Variants in ZNF554 observed in about 807,000 individuals in gnomAD.
The protein encoded by ZNF554 is zinc finger protein 554.
Under a neutral mutation model 21.2 loss-of-function variants are expected in ZNF554, and 15 were observed. The ratio of observed to expected loss-of-function variants is 0.71; its 90% CI spans 0.47 to 1.09. The LOEUF is 1.09. ZNF554 is among the 50% of genes least tolerant of loss of function. ZNF554 has a pLI of 0.00. For synonymous variants in ZNF554, 258 were observed against 251.4 expected (o/e 1.03, Z -0.25); for missense variants, 691 against 662.7 (o/e 1.04, Z -0.47).
At position 2,819,999 on chromosome 19, in the gene ZNF554, A is replaced by C; in HGVS notation, c.-73A>C. Reference sequence around the variant, plus strand: ...CGGAGGAGGCGTCCCAGGGACACGCAGGGGAGGCCGGCCGGCCTGCACGGG... The same window carrying C: ...CGGAGGAGGCGTCCCAGGGACACGCCGGGGAGGCCGGCCGGCCTGCACGGG... On this transcript the variant is annotated 5_prime_UTR_variant, in exon 1 of 5. Coordinates refer to ENST00000317243, the MANE Select transcript of ZNF554 (RefSeq NM_001102651.2). The C allele has an allele frequency of 2.7e-6, 3 of 1,116,884 alleles. No individual in the cohort carries two copies. Among genetic ancestry groups the C allele is most frequent in the Non-Finnish European group, 2.2e-6 (2 of 894,910 alleles). The allele number at this position is 1,116,884 out of a possible 1,614,324, so 69.2% of individuals were successfully genotyped here. A position where few individuals can be genotyped will look rare whatever the true frequency, so the allele number is the denominator to read the frequency against.
rs367842295 is a variant in ZNF554, at chr19:2,834,624, C to T, written c.1389C>T (p.Pro463=). 6.2e-7 allele frequency: 1 copy of T among 1,614,108 alleles called. No individual in the cohort carries two copies. Among genetic ancestry groups the T allele is most frequent in the South Asian group, 1.1e-5 (1 of 91,062 alleles). The change falls in exon 5 of 5, where the codon CCC becomes CCT. Residue 463 remains proline, a synonymous_variant. Transcript: ENST00000317243. The part of the protein sequence containing the change: ...QHERTHTGEN[P]YECKQCGRAF... ...AGCGAACTCACACGGGCGAGAACCCCTATGAATGTAAGCAGTGTGGGAGAG... is the reference window on the plus strand; with the variant it reads ...AGCGAACTCACACGGGCGAGAACCCTTATGAATGTAAGCAGTGTGGGAGAG...
intron 1 of ZNF554, 134 bp from the exon 2 acceptor site, chr19:2,822,906 G>A: frequency 1.3e-6 from 1 of 793,118 alleles, no homozygotes; most frequent in South Asian, 1.8e-5. Context: ...TCAGTCCTGG[G>A]TTCTGGCTTC....
chr19:2,834,581 CCT>C lies in ZNF554; in HGVS notation c.1352_1353del (p.Leu451GlnfsTer14), dbSNP rs1273572909. 1 of 1,613,918 alleles carries C rather than the reference CCT, an allele frequency of 6.2e-7. No individual in the cohort carries two copies. The highest frequency in any genetic ancestry group is 1.3e-5 in the African/African-American group (1 of 74,890). On this transcript the variant is annotated frameshift_variant, in exon 5 of 5. Transcript: ENST00000317243. LOFTEE classifies it low-confidence loss of function (END_TRUNC). ...TGTGGAAAGGCCTTCAGTGACCGTTCCTCTCTCAACCAGCACGAGCGAACTCA... is the reference window on the plus strand; with the variant it reads ...TGTGGAAAGGCCTTCAGTGACCGTTCCTCTCAACCAGCACGAGCGAACTCA...
Position 2,834,877 on chromosome 19 carries a change from A to G in ZNF554, c.*25A>G, listed in dbSNP as rs1208104439. On this transcript the variant is annotated 3_prime_UTR_variant, in exon 5 of 5. Coordinates refer to ENST00000317243, the MANE Select transcript of ZNF554 (RefSeq NM_001102651.2). ...GCAATTGCACGCTGCTTTGTAAGCCACTTTTTAGTACTCTGACACATACAT... is the reference window on the plus strand; with the variant it reads ...GCAATTGCACGCTGCTTTGTAAGCCGCTTTTTAGTACTCTGACACATACAT... 7.8e-6 allele frequency: 12 copies of G among 1,535,890 alleles called. No homozygotes were observed. Among genetic ancestry groups the G allele is most frequent in the African/African-American group, 2.8e-5 (2 of 72,622 alleles).
In ZNF554 at chr19:2,834,894, C is replaced by A; in HGVS notation, c.*42C>A. 6.7e-7 allele frequency: 1 copy of A among 1,502,936 alleles called. No individual in the cohort carries two copies. The highest frequency in any genetic ancestry group is 9.0e-7 in the Non-Finnish European group (1 of 1,113,132). 93.1% of individuals were successfully genotyped at this position (1,502,936 alleles called of 1,614,324 possible). ...TGTAAGCCACTTTTTAGTACTCTGA[C>A]ACATACATGTGGTTATCTTTTGCCC... is the stretch of plus-strand genomic sequence containing the variant. On this transcript the variant is annotated 3_prime_UTR_variant, in exon 5 of 5. Transcript: ENST00000317243.
At chr19:2,827,237 C>G (rs924416531) in intron 2 of ZNF554, among the ~76,000 whole-genome samples, 2 of 152,190 alleles carry the variant, frequency 1.3e-5, no homozygotes, top group Admixed American at 1.3e-4. Context: ...CAGCAATATA[C>G]CTGCAGTCCC....
intron 2 of ZNF554, among the ~76,000 whole-genome samples, chr19:2,827,137 G>GCAGT (rs1471037543): frequency 1.3e-5 from 2 of 152,210 alleles, no homozygotes; most frequent in East Asian, 3.8e-4. Flanking sequence ...TGCTGTGACT[G>GCAGT]ATATTAACTA....
rs1425031243 is a variant in ZNF554 at position 2,835,079 on chromosome 19, G to T, written c.*227G>T. 2.1e-6 allele frequency: 1 copy of T among 469,884 alleles called. No individual in the cohort carries two copies. The highest frequency in any genetic ancestry group is 5.8e-4 in the Middle Eastern group (1 of 1,738). The allele number at this position is 469,884 out of a possible 1,614,324, so 29.1% of individuals were successfully genotyped here. A position where few individuals can be genotyped will look rare whatever the true frequency, so the allele number is the denominator to read the frequency against. ...AGTGGCGTGATCATACCTCACTGCA[G>T]CTTCAACTTCCTGGGCTCAAGTAAT... On this transcript the variant is annotated 3_prime_UTR_variant, in exon 5 of 5. Coordinates refer to ENST00000317243, the MANE Select transcript of ZNF554 (RefSeq NM_001102651.2).
intron 2 of ZNF554, among the ~76,000 whole-genome samples, chr19:2,826,053 A>G (rs2087327553): frequency 6.6e-6 from 1 of 151,550 alleles, no homozygotes; most frequent in Non-Finnish European, 1.5e-5. Context: ...GGCACCCGTC[A>G]CCACGCTTGA....
Position 2,833,928 on chromosome 19 carries a change from C to T in ZNF554, c.693C>T (p.Ala231=), listed in dbSNP as rs1265558304. ...GGGAAAATGGTAATCTGAGCCCAGC[C>T]CTTGTTTTATCACAGGGAAGCTCTA... ...GFGENGNLSP[A]LVLSQGSSKG... Residue 231 remains alanine (A), a synonymous_variant, in exon 5 of 5, where the codon GCC becomes GCT. Coordinates refer to ENST00000317243, the MANE Select transcript of ZNF554 (RefSeq NM_001102651.2). 1 of 1,613,936 alleles carries T rather than the reference C, an allele frequency of 6.2e-7. No homozygotes were observed. Among genetic ancestry groups the T allele is most frequent in the Non-Finnish European group, 8.5e-7 (1 of 1,180,034 alleles).
intron 1 of ZNF554, among the ~76,000 whole-genome samples, chr19:2,820,666 G>A (rs1175708020): frequency 8.9e-6 from 1 of 111,742 alleles, no homozygotes; most frequent in Non-Finnish European, 2.0e-5. Context: ...CTGTCCTGGT[G>A]ATAAGACAGC....
chr19:2,825,018 T>TG (rs945122382), intron 2 of ZNF554, among the ~76,000 whole-genome samples: 4 of 134,298 alleles, frequency 3.0e-5, no homozygotes, highest in East Asian at 2.1e-4. Flanking sequence ...TTTTTTTTTT[T>TG]TTTTTTTTTT....
intron 2 of ZNF554, among the ~76,000 whole-genome samples, chr19:2,824,280 C>T (rs79066194): frequency 0.043 from 6,479 of 152,280 alleles, 486 homozygotes; most frequent in African/African-American, 0.15. Context: ...TCTGCAGCTG[C>T]GGGTCTGGCA....
At chr19:2,831,522 C>T (rs2087418575) in intron 3 of ZNF554, 2 of 151,642 alleles carry the variant, frequency 1.3e-5, no homozygotes, top group Non-Finnish European at 2.9e-5. Context: ...TCTTGATCTC[C>T]TGACCTCATG....
Position 2,827,669 on chromosome 19 carries a change from A to T in ZNF554, c.179A>T (p.Glu60Val), listed in dbSNP as rs1048545804. 1 of 1,614,054 alleles carries T rather than the reference A, an allele frequency of 6.2e-7. No homozygotes were observed. The change falls in exon 3 of 5, where the codon GAG becomes GTG. Residue 60 changes from glutamate (E) to valine (V), a missense_variant. Transcript: ENST00000317243. ...VSMDFSQEEW[E>V]LLEPAQKNLY... ...ATGGACTTCTCCCAGGAGGAGTGGG[A>T]GTTGCTGGAGCCTGCTCAGAAGAAC...
At position 2,834,554 on chromosome 19, in the gene ZNF554, A is replaced by C; in HGVS notation, c.1319A>C (p.Glu440Ala). 1 of 1,614,110 alleles carries C rather than the reference A, an allele frequency of 6.2e-7. No individual in the cohort carries two copies. ...GGAGAGAAGCCCTACGAATGCAGTG[A>C]ATGTGGAAAGGCCTTCAGTGACCGT... Reference protein sequence around the residue: ...HTGEKPYECSECGKAFSDRSS... With the variant: ...HTGEKPYECSACGKAFSDRSS... The change falls in exon 5 of 5, where the codon GAA becomes GCA. Residue 440 changes from glutamate (E) to alanine (A), a missense_variant. Glu to Ala is a moderately radical substitution (Grantham distance 107, BLOSUM62 -1). Transcript: ENST00000317243.
rs1217806796 is a variant in ZNF554 at position 2,820,191 on chromosome 19, G to A, written c.53+67G>A. The A allele has an allele frequency of 2.2e-5, 26 of 1,199,628 alleles. 1 individual carries two copies. The Admixed American group carries it at 1.1e-3, about 50-fold the overall frequency. The allele number at this position is 1,199,628 out of a possible 1,614,324, so 74.3% of individuals were successfully genotyped here. A position where few individuals can be genotyped will look rare whatever the true frequency, so the allele number is the denominator to read the frequency against. On this transcript the variant is annotated intron_variant, in intron 1 of 4. Coordinates refer to ENST00000317243, the MANE Select transcript of ZNF554 (RefSeq NM_001102651.2). ...CCTGCCGGGGCTCTGGTGGGGCTGG[G>A]TCTGGCGGGGCCGGGTGGCCGGGGC...
At position 2,820,089 on chromosome 19, in the gene ZNF554, C is replaced by G. The variant is rs1440484213; in HGVS notation, c.18C>G (p.His6Gln). The G allele has an allele frequency of 8.2e-7, 1 of 1,215,886 alleles. No homozygotes were observed. The highest frequency in any genetic ancestry group is 3.3e-5 in the East Asian group (1 of 30,102). 75.3% of individuals were successfully genotyped at this position (1,215,886 alleles called of 1,614,324 possible). Reference sequence around the variant, plus strand: ...GCGCCCCGATGGTCACCTGCGCCCACCTGGGCCGGCGCGCGCGGCTCCCGG... The same window carrying G: ...GCGCCCCGATGGTCACCTGCGCCCAGCTGGGCCGGCGCGCGCGGCTCCCGG... MVTCA[H>Q]LGRRARLPAA... The change falls in exon 1 of 5, where the codon CAC (histidine) becomes CAG (glutamine). Residue 6 changes from histidine (H) to glutamine (Q), a missense_variant. Transcript: ENST00000317243.
At chr19:2,832,792 C>T (rs1173312930) in intron 4 of ZNF554, among the ~76,000 whole-genome samples, 2 of 152,192 alleles carry the variant, frequency 1.3e-5, no homozygotes, top group Admixed American at 1.3e-4. Flanking sequence ...ACTGCATCCT[C>T]ACCTTCCTGG....
Sources: allele counts gnomAD v4.1 joint callset (sites outside exome capture counted in the v4.1 genomes callset), GRCh38; gene constraint gnomAD v4.1.1; transcripts MANE v1.5; gene names NCBI Gene and HGNC (gene_info 2026-07-23, HGNC 2026-07-21).